The following SAMTOR variants were observed in gnomAD, a reference collection of about 807,000 sequenced individuals.
SAMTOR encodes the protein S-adenosylmethionine sensor upstream of mTORC1, also known as UPF0532 protein C7orf60.
chr7:112,932,991 G>A, the SAMTOR span, among the ~76,000 whole-genome samples: 1 of 152,204 alleles, frequency 6.6e-6, no homozygotes, highest in East Asian at 1.9e-4. Context: ...CTGATTTAAA[G>A]AGGAACATTT....
the SAMTOR span, among the ~76,000 whole-genome samples, chr7:112,863,595 A>C: frequency 6.6e-6 from 1 of 152,236 alleles, no homozygotes; most frequent in Non-Finnish European, 1.5e-5. Flanking sequence ...AAGAAAAAAA[A>C]CAACTCCATT....
chr7:112,862,528 T>C, the SAMTOR span, among the ~76,000 whole-genome samples: 1 of 152,212 alleles, frequency 6.6e-6, no homozygotes, highest in Non-Finnish European at 1.5e-5. Context: ...TAGAAAATAA[T>C]ATAGTTCTAA....
chr7:112,926,264 T>G, the SAMTOR span, among the ~76,000 whole-genome samples: 5 of 152,226 alleles, frequency 3.3e-5, no homozygotes, highest in Non-Finnish European at 5.9e-5. Context: ...AGGCATCTGT[T>G]AGAAATTCTT....
chr7:112,824,525 G>A, the SAMTOR span, among the ~76,000 whole-genome samples: 1 of 151,956 alleles, frequency 6.6e-6, no homozygotes, highest in Non-Finnish European at 1.5e-5. Flanking sequence ...ACCATGCCTG[G>A]CTAATTTTTG....
At chr7:112,844,724 T>G in the SAMTOR span, among the ~76,000 whole-genome samples, 82 of 152,238 alleles carry the variant, frequency 5.4e-4, 3 homozygotes, top group East Asian at 0.012. Context: ...AATTACATTC[T>G]TCACAGAACT....
At chr7:112,925,708 C>T in the SAMTOR span, among the ~76,000 whole-genome samples, 3 of 151,230 alleles carry the variant, frequency 2.0e-5, no homozygotes, top group African/African-American at 2.4e-5. Flanking sequence ...GCAGGAGAAT[C>T]GCTTGAACCT....
chr7:112,861,873 GA>G, the SAMTOR span, among the ~76,000 whole-genome samples: 46 of 152,222 alleles, frequency 3.0e-4, no homozygotes, highest in Admixed American at 2.9e-3. Context: ...TTCTCCTTGG[GA>G]TCATCCATAA....
chr7:112,850,368 G>T, the SAMTOR span, among the ~76,000 whole-genome samples: 1,609 of 152,114 alleles, frequency 0.011, 27 homozygotes, highest in African/African-American at 0.036. Context: ...GTCTTTTTTT[G>T]TGTGTGTTCT....
chr7:112,883,769 G>A, the SAMTOR span, among the ~76,000 whole-genome samples: 85 of 152,228 alleles, frequency 5.6e-4, no homozygotes, highest in Middle Eastern at 3.4e-3. Context: ...CTAGAATTTC[G>A]CAGAATGCAT....
the SAMTOR span, among the ~76,000 whole-genome samples, chr7:112,907,834 C>CTTAT: frequency 2.6e-3 from 317 of 119,866 alleles, 4 homozygotes; most frequent in African/African-American, 8.9e-3. Context: ...AATGGGTATT[C>CTTAT]TTACTTACTT....
At chr7:112,894,299 G>T in the SAMTOR span, among the ~76,000 whole-genome samples, 1 of 152,056 alleles carries the variant, frequency 6.6e-6, no homozygotes, top group African/African-American at 2.4e-5. Context: ...GTCTTATATG[G>T]TTGATAATAA....
chr7:112,896,893 G>C, the SAMTOR span, among the ~76,000 whole-genome samples: 1 of 152,232 alleles, frequency 6.6e-6, no homozygotes, highest in Admixed American at 6.5e-5. Context: ...AGGCAGAAAG[G>C]ACAGCATAAG....
the SAMTOR span, among the ~76,000 whole-genome samples, chr7:112,931,535 G>A: frequency 6.6e-6 from 1 of 152,188 alleles, no homozygotes; most frequent in South Asian, 2.1e-4. Flanking sequence ...CCTTGTGAAA[G>A]TGAACTTCAC....
At chr7:112,915,498 T>C in the SAMTOR span, 1 of 1,416,602 alleles carries the variant, frequency 7.1e-7, no homozygotes, top group African/African-American at 1.5e-5. Flanking sequence ...CATGTCAGAC[T>C]CTTGAAATAA....
the SAMTOR span, among the ~76,000 whole-genome samples, chr7:112,884,055 G>A: frequency 5.1e-4 from 78 of 152,276 alleles, no homozygotes; most frequent in East Asian, 0.013. Context: ...GCAAGGAGAA[G>A]TGCAGAGCAA....
the SAMTOR span, among the ~76,000 whole-genome samples, chr7:112,835,240 C>T: frequency 2.0e-5 from 3 of 152,060 alleles, no homozygotes; most frequent in African/African-American, 7.2e-5. Context: ...TTGTGTACTC[C>T]AGGTACATAA....
chr7:112,881,920 T>C, the SAMTOR span, among the ~76,000 whole-genome samples: 5 of 152,164 alleles, frequency 3.3e-5, no homozygotes, highest in African/African-American at 1.2e-4. Flanking sequence ...GCTTGACACA[T>C]TGCGGGCAAC....
At chr7:112,845,969 A>C in the SAMTOR span, among the ~76,000 whole-genome samples, 5 of 152,174 alleles carry the variant, frequency 3.3e-5, no homozygotes, top group African/African-American at 1.2e-4. Context: ...TGCAGAACAG[A>C]AAACCAAATA....
the SAMTOR span, among the ~76,000 whole-genome samples, chr7:112,882,396 G>A: frequency 6.6e-6 from 1 of 152,120 alleles, no homozygotes; most frequent in Non-Finnish European, 1.5e-5. Flanking sequence ...AAGACATTAT[G>A]TTAAAAAGAC....
Sources: allele counts gnomAD v4.1 joint callset (sites outside exome capture counted in the v4.1 genomes callset), GRCh38; gene constraint gnomAD v4.1.1; transcripts MANE v1.5; gene names NCBI Gene and HGNC (gene_info 2026-07-23, HGNC 2026-07-21).